ACER1: variants seen among roughly 807,000 people sequenced by gnomAD.
ACER1 encodes CTB-180A7.3.
A neutral mutation model predicts 24.9 loss-of-function variants in ACER1; 28 were observed. That is an observed-to-expected ratio of 1.13 (90% CI 0.83 to 1.54). The LOEUF is 1.54. Ranked by LOEUF, ACER1 falls within the 40% of genes most tolerant of loss-of-function variation. The pLI, the probability that ACER1 is intolerant of heterozygous loss-of-function variation, is 0.00. For missense variants in ACER1, 352 were observed against 349.3 expected (o/e 1.01, Z -0.06); for synonymous variants, 132 against 131.4 (o/e 1.00, Z -0.03).
intron 1 of ACER1, among the ~76,000 whole-genome samples, chr19:6,323,605 T>C (rs914984649): frequency 6.6e-6 from 1 of 152,200 alleles, no homozygotes; most frequent in Non-Finnish European, 1.5e-5. Flanking sequence ...TTGCCTAGTC[T>C]CTTTTTCTTC....
chr19:6,349,185 G>A, the ACER1 span, among the ~76,000 whole-genome samples: 3 of 150,856 alleles, frequency 2.0e-5, no homozygotes, highest in Admixed American at 2.0e-4. Flanking sequence ...AGGAGGAGGA[G>A]GAGGAGGAGA....
At chr19:6,333,367 C>G in intron 1 of ACER1, 92 bp downstream of exon 1, 1 of 1,099,130 alleles carries the variant, frequency 9.1e-7, no homozygotes, top group South Asian at 1.7e-5. Context: ...AGGTGAACCA[C>G]TCCAGCAAGA....
At chr19:6,347,133 A>AAAT in the ACER1 span, among the ~76,000 whole-genome samples, 1 of 128,458 alleles carries the variant, frequency 7.8e-6, no homozygotes, top group African/African-American at 3.4e-5. Flanking sequence ...TATATATATA[A>AAAT]AATAATAATA....
chr19:6,318,115 A>C (rs1346408589), intron 1 of ACER1, among the ~76,000 whole-genome samples: 1 of 151,874 alleles, frequency 6.6e-6, no homozygotes, highest in Non-Finnish European at 1.5e-5. Context: ...AGGTCAGGAG[A>C]TCGAGACCAT....
At chr19:6,358,024 A>AAGGAGTGGAGGAGTGGAGGAGTGG in the ACER1 span, among the ~76,000 whole-genome samples, 1 of 152,086 alleles carries the variant, frequency 6.6e-6, no homozygotes, top group East Asian at 1.9e-4. Flanking sequence ...CGGAGGAGTG[A>AAGGAGTGGAGGAGTGGAGGAGTGG]AGGAGTGGAG....
the ACER1 span, among the ~76,000 whole-genome samples, chr19:6,339,262 C>T: frequency 6.6e-6 from 1 of 152,042 alleles, no homozygotes; most frequent in South Asian, 2.1e-4. Context: ...TTCATCCATA[C>T]CGTGGAATAT....
At chr19:6,313,112 T>C (rs1187571295) in intron 1 of ACER1, among the ~76,000 whole-genome samples, 1 of 152,130 alleles carries the variant, frequency 6.6e-6, no homozygotes, top group African/African-American at 2.4e-5. Flanking sequence ...CCTTCTCTTT[T>C]ACTTTTTCTA....
chr19:6,358,111 G>A, the ACER1 span, among the ~76,000 whole-genome samples: 1 of 152,164 alleles, frequency 6.6e-6, no homozygotes, highest in Admixed American at 6.5e-5. Flanking sequence ...AGGAGCTGCA[G>A]CCCTGGGGCA....
At chr19:6,338,966 C>T in the ACER1 span, among the ~76,000 whole-genome samples, 2 of 151,614 alleles carry the variant, frequency 1.3e-5, no homozygotes, top group Non-Finnish European at 2.9e-5. Flanking sequence ...CAACCTCCGC[C>T]TCCTGGGTTC....
chr19:6,327,921 C>G (rs1038110578), intron 1 of ACER1, among the ~76,000 whole-genome samples: 1 of 149,756 alleles, frequency 6.7e-6, no homozygotes, highest in Non-Finnish European at 1.5e-5. Flanking sequence ...CTAAAAATAA[C>G]AAAAAATAGC....
the ACER1 span, among the ~76,000 whole-genome samples, chr19:6,348,692 T>C: frequency 6.6e-6 from 1 of 152,102 alleles, no homozygotes; most frequent in African/African-American, 2.4e-5. Flanking sequence ...ACCATTTGGA[T>C]TCTCCAGAAC....
rs775934550 is a variant in ACER1, at chr19:6,307,140, A to G, written c.626+13T>C. 3 of 1,613,756 alleles carry G rather than the reference A, an allele frequency of 1.9e-6. No homozygotes were observed. Among genetic ancestry groups the G allele is most frequent in the African/African-American group, 2.7e-5 (2 of 74,914 alleles). On this transcript the variant is annotated intron_variant, in intron 5 of 5. Transcript: ENST00000301452. ...GACTCTGGGCCCCCCACAGCCTCAG[A>G]GCATGTGCTTACCAGATGCTGTGCA...
upstream of ACER1, among the ~76,000 whole-genome samples, chr19:6,335,029 TTATTA>T (rs1233756445): frequency 2.7e-5 from 4 of 146,120 alleles, no homozygotes; most frequent in African/African-American, 1.0e-4. Flanking sequence ...ATATAATTAT[TTATTA>T]TATAATAGCA....
chr19:6,317,418 A>G (rs1027094491), intron 1 of ACER1, among the ~76,000 whole-genome samples: 3 of 152,250 alleles, frequency 2.0e-5, no homozygotes, highest in African/African-American at 7.2e-5. Flanking sequence ...TGGTCCAAGG[A>G]CAGATGGGAC....
At chr19:6,342,552 T>A in the ACER1 span, among the ~76,000 whole-genome samples, 37 of 151,746 alleles carry the variant, frequency 2.4e-4, no homozygotes, top group Middle Eastern at 0.02. Flanking sequence ...ACCCCGTCTC[T>A]ACTAAAAATA....
chr19:6,309,524 G>GA (rs990681569), intron 4 of ACER1, among the ~76,000 whole-genome samples, 173 bp downstream of exon 4: 1 of 151,502 alleles, frequency 6.6e-6, no homozygotes, highest in East Asian at 1.9e-4. Flanking sequence ...TCCGTCTCAA[G>GA]AAAAAAAATA....
the ACER1 span, among the ~76,000 whole-genome samples, chr19:6,344,984 G>A: frequency 2.0e-5 from 3 of 151,952 alleles, no homozygotes; most frequent in Non-Finnish European, 4.4e-5. Flanking sequence ...TCCTGCCTCA[G>A]CCTTCCAAGT....
intron 1 of ACER1, among the ~76,000 whole-genome samples, chr19:6,332,501 G>C (rs2145021127): frequency 6.6e-6 from 1 of 152,044 alleles, no homozygotes; most frequent in South Asian, 2.1e-4. Context: ...TGGAACTCCT[G>C]GGCTCAAGCG....
intron 1 of ACER1, among the ~76,000 whole-genome samples, chr19:6,321,600 C>G (rs1568311281): frequency 1.3e-5 from 2 of 151,454 alleles, no homozygotes; most frequent in African/African-American, 2.4e-5. Flanking sequence ...GTATTTTTTT[C>G]TTTGTTTGTT....
Sources: gnomAD v4.1 joint callset for allele counts (sites outside exome capture counted in the v4.1 genomes callset) on GRCh38, gnomAD v4.1.1 for gene constraint, MANE v1.5 for transcripts, NCBI Gene and HGNC (gene_info 2026-07-23, HGNC 2026-07-21) for gene names.